The following PPARA variants were observed in gnomAD, a reference collection of about 807,000 sequenced individuals.
PPARA encodes peroxisome proliferator-activated receptor alpha.
Under a neutral mutation model 42.2 loss-of-function variants are expected in PPARA, and 22 were observed. That is an observed-to-expected ratio of 0.52 (90% CI 0.37 to 0.74). PPARA has a LOEUF of 0.74. Among genes scored for constraint, PPARA ranks in the 30% least tolerant of loss-of-function variants. The pLI, the probability that PPARA is intolerant of heterozygous loss-of-function variation, is 0.00. For synonymous variants in PPARA, 242 were observed against 239.3 expected (o/e 1.01, Z -0.10); for missense variants, 465 against 608.2 (o/e 0.76, Z 2.48).
intron 3 of PPARA, 40 bp from the exon 4 acceptor site, chr22:46,198,302 T>C (rs1029756874): frequency 9.6e-7 from 1 of 1,045,604 alleles, no homozygotes. Context: ...GTGAACGTTG[T>C]TATACGTCAG....
chr22:46,201,137 A>AAG (rs1569222154), intron 4 of PPARA, among the ~76,000 whole-genome samples: 1 of 151,992 alleles, frequency 6.6e-6, no homozygotes, highest in African/African-American at 2.4e-5. Flanking sequence ...AAAAAAAAAA[A>AAG]AAAAAAGTAA....
chr22:46,194,094 G>A (rs929373837), intron 3 of PPARA, among the ~76,000 whole-genome samples: 5 of 152,336 alleles, frequency 3.3e-5, no homozygotes, highest in African/African-American at 1.2e-4. Flanking sequence ...TGCAGGGTGG[G>A]GCAGGTGCCC....
Position 46,231,691 on chromosome 22 carries a change from G to C in PPARA, c.712-101G>C. ...TATCTTGAGTCCTCTGAGGCACTGAGCTTGGTGATTTGGACGCAGGAGCTG... is the reference window on the plus strand; with the variant it reads ...TATCTTGAGTCCTCTGAGGCACTGACCTTGGTGATTTGGACGCAGGAGCTG... On this transcript the variant is annotated intron_variant, in intron 7 of 8. Transcript: ENST00000407236. The surrounding 1 kb of genome is among the most constrained non-coding windows in gnomAD (Gnocchi z 7.7). 1 of 1,241,936 alleles carries C rather than the reference G, an allele frequency of 8.1e-7. No individual in the cohort carries two copies. The highest frequency in any genetic ancestry group is 1.2e-6 in the Non-Finnish European group (1 of 865,178). 76.9% of individuals were successfully genotyped at this position (1,241,936 alleles called of 1,614,324 possible). A position where few individuals can be genotyped will look rare whatever the true frequency, so the allele number is the denominator to read the frequency against.
In PPARA at chr22:46,187,242, A is replaced by T. The variant is rs141624530; in HGVS notation, c.-43+10406A>T. ...AGAGGTCAAGCCTCAGGTACCTTAAACACCATTTTAAAACTGAACTCATGG... is the reference window on the plus strand; with the variant it reads ...AGAGGTCAAGCCTCAGGTACCTTAATCACCATTTTAAAACTGAACTCATGG... On this transcript the variant is annotated intron_variant, in intron 3 of 8. Coordinates refer to ENST00000407236, the MANE Select transcript of PPARA (RefSeq NM_005036.6). This position sits in a 1 kb window ranked among gnomAD's most constrained non-coding sequence, Gnocchi z 4.9. Among the ~76,000 whole-genome samples, 569 of 152,302 alleles carry T rather than the reference A, an allele frequency of 3.7e-3. 4 individuals carry two copies. Among genetic ancestry groups the T allele is most frequent in the African/African-American group, 0.013 (537 of 41,562 alleles).
Position 46,242,161 on chromosome 22 carries a change from A to T in PPARA, c.*6781A>T, listed in dbSNP as rs1390284850. 6.6e-6 allele frequency: 1 copy of T among 152,184 alleles called. No individual in the cohort carries two copies. Among genetic ancestry groups the T allele is most frequent in the East Asian group, 1.9e-4 (1 of 5,194 alleles). 9.4% of individuals were successfully genotyped at this position (152,184 alleles called of 1,614,324 possible). A position where few individuals can be genotyped will look rare whatever the true frequency, so the allele number is the denominator to read the frequency against. On this transcript the variant is annotated 3_prime_UTR_variant, in exon 9 of 9. Transcript: ENST00000407236. This position sits in a 1 kb window ranked among gnomAD's most constrained non-coding sequence, Gnocchi z 6.1. ...AAGTGCCGTGCAAACTGGTGCACAAACAGGCCCCCAGTCCACGCAGCCTGG... is the reference window on the plus strand; with the variant it reads ...AAGTGCCGTGCAAACTGGTGCACAATCAGGCCCCCAGTCCACGCAGCCTGG...
rs764512490 is a variant in PPARA at position 46,235,228 on chromosome 22, G to T, written c.1255G>T (p.Asp419Tyr). The change falls in exon 9 of 9, where the codon GAT becomes TAT. Residue 419 changes from aspartate to tyrosine, a missense_variant. Coordinates refer to ENST00000407236, the MANE Select transcript of PPARA (RefSeq NM_005036.6). The surrounding 1 kb of genome is among the most constrained non-coding windows in gnomAD (Gnocchi z 7.0). Reference protein sequence around the residue: ...RLHLQSNHPDDIFLFPKLLQK... With the variant: ...RLHLQSNHPDYIFLFPKLLQK... ...CCACCTGCAGAGCAACCACCCGGACGATATCTTTCTCTTCCCAAAACTTCT... is the reference window on the plus strand; with the variant it reads ...CCACCTGCAGAGCAACCACCCGGACTATATCTTTCTCTTCCCAAAACTTCT... 2.5e-6 allele frequency: 4 copies of T among 1,614,092 alleles called. No homozygotes were observed. Among genetic ancestry groups the T allele is most frequent in the East Asian group, 2.2e-5 (1 of 44,884 alleles).
chr22:46,162,252 A>G lies in PPARA; in HGVS notation c.-127+10282A>G, dbSNP rs1000660484. 6.6e-6 allele frequency among the ~76,000 whole-genome samples: 1 copy of G among 152,094 alleles called. No individual in the cohort carries two copies. Among genetic ancestry groups the G allele is most frequent in the East Asian group, 1.9e-4 (1 of 5,172 alleles). ...GAGCTTGGTAGGTGCTTCCTTGCTT[A>G]TCATTGCCTCTCCCATCTTAATGTT... On this transcript the variant is annotated intron_variant, in intron 2 of 8. Transcript: ENST00000407236. The surrounding 1 kb of genome is among the most constrained non-coding windows in gnomAD (Gnocchi z 6.0).
intron 4 of PPARA, among the ~76,000 whole-genome samples, chr22:46,207,667 TATTATTA>T (rs1488591678): frequency 8.5e-6 from 1 of 117,376 alleles, no homozygotes; most frequent in African/African-American, 4.1e-5. Context: ...TTATTATTAT[TATTATTA>T]TTATTTTTTT....
intron 3 of PPARA, among the ~76,000 whole-genome samples, chr22:46,179,850 T>A (rs1929700029): frequency 6.6e-6 from 1 of 152,042 alleles, no homozygotes; most frequent in Admixed American, 6.6e-5. Flanking sequence ...ACAGAAAAAA[T>A]TCTCAAAACT....
chr22:46,197,133 T>TC (rs1351960722), intron 3 of PPARA, among the ~76,000 whole-genome samples: 1 of 151,336 alleles, frequency 6.6e-6, no homozygotes, highest in Non-Finnish European at 1.5e-5. Context: ...CACTGCAACC[T>TC]CCACCTCCCA....
chr22:46,185,177 T>C (rs1930492954), intron 3 of PPARA, among the ~76,000 whole-genome samples: 1 of 152,218 alleles, frequency 6.6e-6, no homozygotes, highest in Non-Finnish European at 1.5e-5. Flanking sequence ...TTACTTCTCT[T>C]GCTTCTCCCA....
intron 4 of PPARA, among the ~76,000 whole-genome samples, chr22:46,201,509 G>T (rs568026716): frequency 5.2e-4 from 79 of 152,268 alleles, no homozygotes; most frequent in Non-Finnish European, 1.0e-3. Context: ...GGCTGGAGGA[G>T]AGCAAGGAAA....
rs559140933 is a variant in PPARA at position 46,234,113 on chromosome 22, T to C, written c.1160-1020T>C. On this transcript the variant is annotated intron_variant, in intron 8 of 8. Transcript: ENST00000407236. The surrounding 1 kb of genome is among the most constrained non-coding windows in gnomAD (Gnocchi z 5.8). ...TGCTGGGATTACAGGCATGAGCCACTGCACCCGGCAATAATTCCTCTCTTT... is the reference window on the plus strand; with the variant it reads ...TGCTGGGATTACAGGCATGAGCCACCGCACCCGGCAATAATTCCTCTCTTT... 4.5e-4 allele frequency among the ~76,000 whole-genome samples: 68 copies of C among 152,118 alleles called. No individual in the cohort carries two copies. The highest frequency in any genetic ancestry group is 1.5e-3 in the African/African-American group (64 of 41,528).
rs1308452802 is a variant in PPARA at position 46,173,236 on chromosome 22, TTA to T, written c.-126-3515_-126-3514del. On this transcript the variant is annotated intron_variant, in intron 2 of 8. Transcript: ENST00000407236. The surrounding 1 kb of genome is among the most constrained non-coding windows in gnomAD (Gnocchi z 4.3). ...TCTTATTTGGGGATTTACAAAACAG[TTA>T]TGTTTTTAGTTTTCTTTTATTTGTT... 6.6e-6 allele frequency among the ~76,000 whole-genome samples: 1 copy of T among 152,218 alleles called. No individual in the cohort carries two copies. The highest frequency in any genetic ancestry group is 1.5e-5 in the Non-Finnish European group (1 of 68,040).
At position 46,212,652 on chromosome 22, in the gene PPARA, A is replaced by C. The variant is rs1362349148; in HGVS notation, c.209-2521A>C. On this transcript the variant is annotated intron_variant, in intron 4 of 8. Coordinates refer to ENST00000407236, the MANE Select transcript of PPARA (RefSeq NM_005036.6). This position sits in a 1 kb window ranked among gnomAD's most constrained non-coding sequence, Gnocchi z 4.2. ...ACTGTCTGTTTGTACCACAGTTTGT[A>C]TATCTATTCACCTATCTAAGGGCAT... Among the ~76,000 whole-genome samples the C allele has an allele frequency of 6.6e-6, 1 of 152,108 alleles. No homozygotes were observed. Among genetic ancestry groups the C allele is most frequent in the African/African-American group, 2.4e-5 (1 of 41,434 alleles).
Position 46,163,116 on chromosome 22 carries a change from A to G in PPARA, c.-127+11146A>G, listed in dbSNP as rs9306499. 0.013 allele frequency among the ~76,000 whole-genome samples: 2,003 copies of G among 152,256 alleles called. 49 individuals carry two copies. Among genetic ancestry groups the G allele is most frequent in the African/African-American group, 0.045 (1,862 of 41,540 alleles). On this transcript the variant is annotated intron_variant, in intron 2 of 8. Transcript: ENST00000407236. The surrounding 1 kb of genome is among the most constrained non-coding windows in gnomAD (Gnocchi z 4.9). ...AAAGAGCGGGGACAGAGGGTCACGG[A>G]GGTCGCAGGGGCGTGTGTGCAGCAC...
At chr22:46,186,920 T>A (rs1244940983) in intron 3 of PPARA, among the ~76,000 whole-genome samples, 1 of 152,164 alleles carries the variant, frequency 6.6e-6, no homozygotes, top group Admixed American at 6.5e-5. Flanking sequence ...AGTAGGAGAC[T>A]AACAACAATG....
At chr22:46,169,155 C>G (rs972973648) in intron 2 of PPARA, among the ~76,000 whole-genome samples, 30 of 151,910 alleles carry the variant, frequency 2.0e-4, no homozygotes, top group African/African-American at 6.5e-4. Flanking sequence ...ATGTACAACA[C>G]AAAGAGTGAA....
rs135552 is a variant in PPARA at position 46,156,920 on chromosome 22, T to C, written c.-127+4950T>C. On this transcript the variant is annotated intron_variant, in intron 2 of 8. Coordinates refer to ENST00000407236, the MANE Select transcript of PPARA (RefSeq NM_005036.6). The surrounding 1 kb of genome is among the most constrained non-coding windows in gnomAD (Gnocchi z 5.2). The stretch of plus-strand genomic sequence containing the variant: ...CCCGGCCTCCTGTGTGTTTTGAAGG[T>C]GATTGTGACCTCAGGTTTTGGCAGG... Among the ~76,000 whole-genome samples the C allele has an allele frequency of 0.26, 39,693 of 151,990 alleles. 5,445 individuals are homozygous for C. The highest frequency in any genetic ancestry group is 0.3 in the African/African-American group (12,588 of 41,462).
Sources: gnomAD v4.1 joint callset for allele counts (sites outside exome capture counted in the v4.1 genomes callset) on GRCh38, gnomAD v4.1.1 for gene constraint, Gnocchi (gnomAD v3.1) non-coding constraint, MANE v1.5 for transcripts, NCBI Gene and HGNC (gene_info 2026-07-23, HGNC 2026-07-21) for gene names.